ANKRD44: variants seen among roughly 807,000 people sequenced by gnomAD.
ANKRD44 encodes ankyrin repeat domain 44.
ANKRD44 carries 35 observed loss-of-function variants against 116.0 expected under a neutral mutation model. The observed-to-expected ratio is 0.30, with a 90% confidence interval of 0.23 to 0.40. The LOEUF is 0.40. Among genes scored for constraint, ANKRD44 ranks in the 10% least tolerant of loss-of-function variants. ANKRD44 has a pLI of 1.00. For synonymous variants in ANKRD44, 435 were observed against 461.8 expected (o/e 0.94, Z 0.74); for missense variants, 1,014 against 1,242.6 (o/e 0.82, Z 2.77).
intron 21 of ANKRD44, among the ~76,000 whole-genome samples, chr2:197,004,021 T>C (rs1013772902): frequency 4.6e-5 from 7 of 152,148 alleles, no homozygotes; most frequent in Non-Finnish European, 7.4e-5. Context: ...TGTGGAACTA[T>C]TAATGGTTTC....
chr2:197,087,644 C>T (rs999090758), intron 12 of ANKRD44, among the ~76,000 whole-genome samples: 2 of 152,144 alleles, frequency 1.3e-5, no homozygotes, highest in Non-Finnish European at 2.9e-5. Flanking sequence ...CCACACCCAC[C>T]CTTTATAGCC....
intron 10 of ANKRD44, among the ~76,000 whole-genome samples, chr2:197,094,961 G>T (rs2078127661): frequency 6.6e-6 from 1 of 152,168 alleles, no homozygotes; most frequent in South Asian, 2.1e-4. Flanking sequence ...CAATAAACTT[G>T]TTTCCATTCC....
chr2:197,047,040 T>C (rs1016895398), intron 16 of ANKRD44, among the ~76,000 whole-genome samples: 1 of 150,568 alleles, frequency 6.6e-6, no homozygotes, highest in African/African-American at 2.4e-5. Flanking sequence ...TTTTTTGAGA[T>C]GGAGTTTTGC....
intron 16 of ANKRD44, among the ~76,000 whole-genome samples, chr2:197,055,275 T>C (rs544315760): frequency 1.3e-5 from 2 of 152,344 alleles, no homozygotes; most frequent in African/African-American, 4.8e-5. Flanking sequence ...TGCCCATTTT[T>C]CTATTGGGTT....
chr2:197,078,786 C>T lies in ANKRD44; in HGVS notation c.1567G>A (p.Ala523Thr). 6.2e-7 allele frequency: 1 copy of T among 1,612,902 alleles called. No individual in the cohort carries two copies. The highest frequency in any genetic ancestry group is 8.5e-7 in the Non-Finnish European group (1 of 1,179,234). The change falls in exon 16 of 28, where the codon GCA becomes ACA. Residue 523 changes from alanine to threonine, a missense_variant. Physicochemically the swap from Ala to Thr is moderately conservative, Grantham distance 58 (BLOSUM62 0). Coordinates refer to ENST00000282272, the MANE Select transcript of ANKRD44 (RefSeq NM_001195144.2). ...TCCTTGTCCCGGATAGATGGATTTG[C>T]ATCATTTTGAAGCAGAAACTCTAGA... ...LCLEFLLQNDANPSIRDKEGY... is the reference protein window; with the variant it reads ...LCLEFLLQNDTNPSIRDKEGY...
intron 1 of ANKRD44, among the ~76,000 whole-genome samples, chr2:197,221,991 C>T (rs1285584278): frequency 1.3e-5 from 2 of 152,164 alleles, no homozygotes; most frequent in Non-Finnish European, 2.9e-5. Context: ...CACTCCATGG[C>T]TAAGATCTCA....
intron 16 of ANKRD44, among the ~76,000 whole-genome samples, chr2:197,068,399 A>C (rs202191245): frequency 4.1e-5 from 3 of 73,126 alleles, no homozygotes; most frequent in Admixed American, 1.7e-4. Context: ...AAAAAAAAAT[A>C]AAAATAAAAT....
chr2:197,167,426 T>C (rs2080124163), intron 2 of ANKRD44, among the ~76,000 whole-genome samples: 1 of 152,204 alleles, frequency 6.6e-6, no homozygotes, highest in Non-Finnish European at 1.5e-5. Context: ...ATTCCCCTTT[T>C]TGGAATCTAC....
At chr2:196,978,900 A>T (rs187705046) in intron 21 of ANKRD44, among the ~76,000 whole-genome samples, 6,737 of 133,684 alleles carry the variant, frequency 0.05, 173 homozygotes, top group Non-Finnish European at 0.058. Flanking sequence ...ATATTGTTTT[A>T]AAAAAAAAAA....
chr2:197,081,646 G>A lies in ANKRD44; in HGVS notation c.1537C>T (p.Leu513=). The A allele has an allele frequency of 1.2e-6, 2 of 1,613,416 alleles. No individual in the cohort carries two copies. Among genetic ancestry groups the A allele is most frequent in the African/African-American group, 2.7e-5 (2 of 75,028 alleles). The change falls in exon 15 of 28, where the codon CTA becomes TTA. Residue 513 remains leucine (L), a splice_region_variant and synonymous_variant. Coordinates refer to ENST00000282272, the MANE Select transcript of ANKRD44 (RefSeq NM_001195144.2). The stretch of plus-strand genomic sequence containing the variant: ...TTCTTAAGCTGAGAAGAAACTTACA[G>A]TGTGGCTTCCTTTTCCTTCAGCTCC... The part of the protein sequence containing the change: ...ARELKEKEAT[L]CLEFLLQNDA...
chr2:197,106,832 T>C (rs902701860), intron 9 of ANKRD44, among the ~76,000 whole-genome samples: 2 of 146,246 alleles, frequency 1.4e-5, no homozygotes, highest in Non-Finnish European at 3.0e-5. Flanking sequence ...CAGGAAAACA[T>C]AACTTAGTGG....
intron 16 of ANKRD44, among the ~76,000 whole-genome samples, chr2:197,045,662 G>A (rs1185051596): frequency 4.6e-5 from 7 of 152,056 alleles, no homozygotes; most frequent in Admixed American, 6.5e-5. Context: ...AACACCACTG[G>A]TCACTCTGAT....
chr2:197,189,468 C>G (rs571779391), intron 1 of ANKRD44, among the ~76,000 whole-genome samples: 1 of 152,308 alleles, frequency 6.6e-6, no homozygotes, highest in East Asian at 1.9e-4. Flanking sequence ...CCACACTCCC[C>G]CTAACTACCT....
chr2:197,066,772 T>G (rs973091656), intron 16 of ANKRD44, among the ~76,000 whole-genome samples: 58 of 152,056 alleles, frequency 3.8e-4, no homozygotes, highest in African/African-American at 1.2e-3. Context: ...CACTGCTCAA[T>G]GAAATAAAAA....
rs116401645 is a variant in ANKRD44, at chr2:197,122,511, C to T, written c.693+139G>A. The T allele has an allele frequency of 6.1e-4, 685 of 1,113,996 alleles. 5 individuals are homozygous for T. In the African/African-American group the frequency reaches 9.2e-3, roughly 15 times the overall value. The allele number at this position is 1,113,996 out of a possible 1,614,324, so 69.0% of individuals were successfully genotyped here. A position where few individuals can be genotyped will look rare whatever the true frequency, so the allele number is the denominator to read the frequency against. ...GCCCCCACTGCCCTTCATCAGTTGC[C>T]CACAAAAACTCAAAAAGACAGGATG... On this transcript the variant is annotated intron_variant, in intron 7 of 27. Coordinates refer to ENST00000282272, the MANE Select transcript of ANKRD44 (RefSeq NM_001195144.2).
At chr2:197,059,908 A>G (rs80257353) in intron 16 of ANKRD44, among the ~76,000 whole-genome samples, 6,133 of 152,306 alleles carry the variant, frequency 0.04, 157 homozygotes, top group Middle Eastern at 0.082. Context: ...TACACTCTCC[A>G]TCCTTCAATT....
At chr2:197,230,911 C>A (rs531151427) in intron 1 of ANKRD44, among the ~76,000 whole-genome samples, 1 of 152,298 alleles carries the variant, frequency 6.6e-6, no homozygotes, top group Admixed American at 6.5e-5. Context: ...CAGAAAATGG[C>A]TGCATCACCC....
chr2:197,160,954 C>T (rs2079945884), intron 2 of ANKRD44, among the ~76,000 whole-genome samples: 1 of 152,158 alleles, frequency 6.6e-6, no homozygotes, highest in Admixed American at 6.5e-5. Flanking sequence ...TTCTTAGTAA[C>T]TTAATTAGAA....
At chr2:197,144,583 C>T (rs1021294945) in intron 3 of ANKRD44, among the ~76,000 whole-genome samples, 2 of 152,178 alleles carry the variant, frequency 1.3e-5, no homozygotes, top group Non-Finnish European at 2.9e-5. Flanking sequence ...GCTCCCCATG[C>T]CCTAAGTCTT....
Sources: gnomAD v4.1 joint callset for allele counts (sites outside exome capture counted in the v4.1 genomes callset) on GRCh38, gnomAD v4.1.1 for gene constraint, MANE v1.5 for transcripts, NCBI Gene and HGNC (gene_info 2026-07-23, HGNC 2026-07-21) for gene names.